Variants in EIF2AK4 observed in about 807,000 individuals in gnomAD.
EIF2AK4 encodes the protein eIF-2-alpha kinase GCN2.
In EIF2AK4, 139 loss-of-function variants were observed where a neutral mutation model predicts 211.1. The observed-to-expected ratio is 0.66, with a 90% CI of 0.57 to 0.76. The LOEUF (loss-of-function observed/expected upper bound fraction) is 0.76. EIF2AK4 is among the 30% of genes least tolerant of loss of function. EIF2AK4 has a pLI of 0.00. For synonymous variants in EIF2AK4, 710 were observed against 751.3 expected (o/e 0.94, Z 0.90); for missense variants, 1,664 against 2,043.8 (o/e 0.81, Z 3.58).
chr15:40,010,454 T>C (rs1050620072), intron 26 of EIF2AK4, among the ~76,000 whole-genome samples: 1 of 152,200 alleles, frequency 6.6e-6, no homozygotes, highest in Non-Finnish European at 1.5e-5. Flanking sequence ...CATTACTTTA[T>C]AGTATATGTG....
At chr15:39,944,449 T>TTTTTTTTTTGG (rs1595541563) in intron 3 of EIF2AK4, among the ~76,000 whole-genome samples, 3 of 150,396 alleles carry the variant, frequency 2.0e-5, no homozygotes, top group East Asian at 2.0e-4. Flanking sequence ...TTTTTTTTTT[T>TTTTTTTTTTGG]GAGGCGGAGT....
intron 35 of EIF2AK4, among the ~76,000 whole-genome samples, chr15:40,031,391 A>G (rs2035541049): frequency 6.6e-6 from 1 of 152,196 alleles, no homozygotes; most frequent in Non-Finnish European, 1.5e-5. Context: ...CAGGTACTTT[A>G]TTTTTGTAAG....
chr15:40,017,501 C>CTTTATATATATATA lies in EIF2AK4; in HGVS notation c.4065+260_4065+261insTTATATATATATAT, dbSNP rs1363648720. ...GGCTCATGTACCCTTTACTCTGTTTCTATATATATATATATATATATATAT... is the reference window on the plus strand; with the variant it reads ...GGCTCATGTACCCTTTACTCTGTTTCTTTATATATATATATATATATATATATATATATATATAT... On this transcript the variant is annotated intron_variant, in intron 29 of 38. Coordinates refer to ENST00000263791, the MANE Select transcript of EIF2AK4 (RefSeq NM_001013703.4). Among the ~76,000 whole-genome samples the CTTTATATATATATA allele has an allele frequency of 4.2e-4, 11 of 26,118 alleles. 1 individual carries two copies. Among genetic ancestry groups the CTTTATATATATATA allele is most frequent in the South Asian group, 2.6e-3 (2 of 774 alleles). The allele number at this position is 26,118 out of a possible 152,430, so 17.1% of individuals were successfully genotyped here.
At chr15:39,978,054 A>G in intron 12 of EIF2AK4, 24 bp from the exon 13 acceptor site, 1 of 1,543,184 alleles carries the variant, frequency 6.5e-7, no homozygotes, top group South Asian at 1.2e-5. Flanking sequence ...CTGTTCCTTT[A>G]GTATTTCTGT....
chr15:40,017,539 ATATATATATATATATGTATT>A (rs2035324164), intron 29 of EIF2AK4, among the ~76,000 whole-genome samples: 1 of 49,094 alleles, frequency 2.0e-5, no homozygotes. Flanking sequence ...ATATATATAT[ATATATATATATATATGTATT>A]TTGGAGACAG....
chr15:40,008,351 T>C (rs1361042315), intron 25 of EIF2AK4, among the ~76,000 whole-genome samples, 156 bp downstream of exon 25: 1 of 152,202 alleles, frequency 6.6e-6, no homozygotes, highest in Non-Finnish European at 1.5e-5. Flanking sequence ...TGGTGTTGCT[T>C]TTGAGGTTCA....
At chr15:39,946,444 A>G in intron 3 of EIF2AK4, 1 of 629,722 alleles carries the variant, frequency 1.6e-6, no homozygotes, top group South Asian at 1.9e-5. Context: ...CTGCAACCTC[A>G]TGATAAAACT....
At chr15:40,001,646 A>AG (rs1303220407) in intron 21 of EIF2AK4, among the ~76,000 whole-genome samples, 3 of 151,580 alleles carry the variant, frequency 2.0e-5, no homozygotes, top group African/African-American at 7.3e-5. Flanking sequence ...AAAAAAAAAA[A>AG]AAAAAGAAAC....
intron 6 of EIF2AK4, among the ~76,000 whole-genome samples, chr15:39,960,435 T>C (rs1277784052): frequency 6.6e-6 from 1 of 152,022 alleles, no homozygotes; most frequent in Non-Finnish European, 1.5e-5. Context: ...GACTCACAGG[T>C]TTCTCACCTG....
intron 2 of EIF2AK4, among the ~76,000 whole-genome samples, chr15:39,941,284 C>G (rs2034141274): frequency 6.6e-6 from 1 of 152,168 alleles, no homozygotes; most frequent in South Asian, 2.1e-4. Context: ...ACCCTGTAAT[C>G]AAGGCTTGGT....
At chr15:39,953,855 T>G in intron 4 of EIF2AK4, 49 bp from the exon 5 acceptor site, 1 of 1,560,184 alleles carries the variant, frequency 6.4e-7, no homozygotes, top group Non-Finnish European at 8.8e-7. Context: ...ATTTATATGT[T>G]GTATGGGTTT....
chr15:39,951,886 A>G (rs1006736486), intron 4 of EIF2AK4, among the ~76,000 whole-genome samples: 1 of 152,242 alleles, frequency 6.6e-6, no homozygotes, highest in Non-Finnish European at 1.5e-5. Flanking sequence ...CTGCAAACGC[A>G]ATTCTCAAGT....
intron 13 of EIF2AK4, among the ~76,000 whole-genome samples, chr15:39,981,170 GA>G (rs2034777249): frequency 6.6e-6 from 1 of 152,142 alleles, no homozygotes; most frequent in Non-Finnish European, 1.5e-5. Context: ...TCAAGAGTGA[GA>G]CCAGCCTGGC....
At chr15:40,014,264 G>C (rs2035276268) in intron 27 of EIF2AK4, among the ~76,000 whole-genome samples, 1 of 152,200 alleles carries the variant, frequency 6.6e-6, no homozygotes, top group Non-Finnish European at 1.5e-5. Flanking sequence ...ACTCTGTATG[G>C]GGGCTGCAAA....
rs540315781 is a variant in EIF2AK4 at position 39,998,208 on chromosome 15, A to G, written c.2869-523A>G. ...CCAGAAAGGTGAGAACTTTTGGGGA[A>G]GTAGAGATTTTTTTTCTCTTACTCT... On this transcript the variant is annotated intron_variant, in intron 19 of 38. Transcript: ENST00000263791. Among the ~76,000 whole-genome samples, 4 of 144,486 alleles carry G rather than the reference A, an allele frequency of 2.8e-5. No individual in the cohort carries two copies. In the South Asian group the frequency reaches 6.4e-4, roughly 23 times the overall value. 94.8% of individuals were successfully genotyped at this position (144,486 alleles called of 152,430 possible).
At chr15:40,001,807 C>T (rs558527635) in intron 21 of EIF2AK4, among the ~76,000 whole-genome samples, 3 of 152,104 alleles carry the variant, frequency 2.0e-5, no homozygotes, top group Admixed American at 1.3e-4. Context: ...GCCCAGGTCC[C>T]GTAGCCCATC....
chr15:40,000,954 A>T lies in EIF2AK4; in HGVS notation c.2923-34A>T, dbSNP rs199680701. ...AGAATAGCTGAGCATTATCCATTGCATCCCATTAGCAGTGTGCCTGGGTTT... is the reference window on the plus strand; with the variant it reads ...AGAATAGCTGAGCATTATCCATTGCTTCCCATTAGCAGTGTGCCTGGGTTT... On this transcript the variant is annotated intron_variant, in intron 20 of 38. Coordinates refer to ENST00000263791, the MANE Select transcript of EIF2AK4 (RefSeq NM_001013703.4). The T allele has an allele frequency of 1.2e-3, 1,982 of 1,603,886 alleles. 26 individuals are homozygous for T. The highest frequency in any genetic ancestry group is 0.012 in the South Asian group (1,077 of 90,812).
intron 20 of EIF2AK4, among the ~76,000 whole-genome samples, chr15:39,999,633 A>G (rs2035065635): frequency 6.6e-6 from 1 of 152,192 alleles, no homozygotes; most frequent in Non-Finnish European, 1.5e-5. Context: ...CTCTTTATTT[A>G]TATTAGCACT....
In EIF2AK4 at chr15:40,011,294, C is replaced by A. The variant is rs372621513; in HGVS notation, c.3707C>A (p.Thr1236Lys). 1.2e-6 allele frequency: 2 copies of A among 1,613,732 alleles called. No individual in the cohort carries two copies. The highest frequency in any genetic ancestry group is 1.7e-6 in the Non-Finnish European group (2 of 1,179,822). ...CTTCCACGTTAGACAGAGAAGCTGA[C>A]GAGGAGAGAAGTGGAAGCTAAATTT... The part of the protein sequence containing the change: ...ILYDAVTEKL[T>K]RREVEAKFCN... The change falls in exon 27 of 39, where the codon ACG becomes AAG. Residue 1236 changes from threonine (T) to lysine (K), a missense_variant. Transcript: ENST00000263791.
Sources: allele counts gnomAD v4.1 joint callset (sites outside exome capture counted in the v4.1 genomes callset), GRCh38; gene constraint gnomAD v4.1.1; transcripts MANE v1.5; gene names NCBI Gene and HGNC (gene_info 2026-07-23, HGNC 2026-07-21).